SAMD14: variants seen among roughly 807,000 people sequenced by gnomAD.
SAMD14 encodes the protein sterile alpha motif domain-containing protein 14.
SAMD14 carries 27 observed loss-of-function variants against 46.2 expected under a neutral mutation model. That is an observed-to-expected ratio of 0.58 (90% CI 0.43 to 0.81). SAMD14 has a LOEUF of 0.81. SAMD14 is among the 30% of genes least tolerant of loss of function. The pLI is 0.00. For synonymous variants in SAMD14, 241 were observed against 254.3 expected (o/e 0.95, Z 0.50); for missense variants, 559 against 582.2 (o/e 0.96, Z 0.41).
In SAMD14 at chr17:50,115,688, G is replaced by A. The variant is rs1415315366; in HGVS notation, c.698C>T (p.Ser233Phe). 1 of 1,607,132 alleles carries A rather than the reference G, an allele frequency of 6.2e-7. No individual in the cohort carries two copies. Among genetic ancestry groups the A allele is most frequent in the Admixed American group, 1.7e-5 (1 of 59,720 alleles). ...GAACCAGGAAAAAGGCAGGAACGGG[G>A]AGCCCCCTGACCTGCCGGACCCCTC... ...SVEGSGRSGG[S>F]PFLPFSWFTD... The change falls in exon 7 of 10, where the codon TCC becomes TTC. Residue 233 changes from serine to phenylalanine, a missense_variant. Physicochemically the swap from Ser to Phe is radical, Grantham distance 155 (BLOSUM62 -2). Coordinates refer to ENST00000330175, the MANE Select transcript of SAMD14 (RefSeq NM_001257359.2). This position sits in a 1 kb window ranked among gnomAD's most constrained non-coding sequence, Gnocchi z 5.3.
chr17:50,114,135 T>G (rs1296893834), intron 8 of SAMD14, 52 bp downstream of exon 8: 12 of 1,613,708 alleles, frequency 7.4e-6, no homozygotes, highest in African/African-American at 1.3e-5. Context: ...CTGAGCACCT[T>G]GCAGAGTCAG....
At chr17:50,113,175 C>G in intron 9 of SAMD14, 127 bp from the exon 10 acceptor site, 29 of 1,071,704 alleles carry the variant, frequency 2.7e-5, no homozygotes, top group Non-Finnish European at 3.8e-5. Context: ...GTGGAGCCTC[C>G]GCCTCCCACA....
At position 50,111,889 on chromosome 17, in the gene SAMD14, C is replaced by G. The variant is rs1480907164; in HGVS notation, c.*1004G>C. 6.6e-6 allele frequency: 1 copy of G among 152,142 alleles called. No homozygotes were observed. The highest frequency in any genetic ancestry group is 1.9e-4 in the East Asian group (1 of 5,202). 9.4% of individuals were successfully genotyped at this position (152,142 alleles called of 1,614,324 possible). On this transcript the variant is annotated 3_prime_UTR_variant, in exon 10 of 10. Transcript: ENST00000330175. ...CCTGCCAGTTCTGAGCCCACTGATT[C>G]CCTGACAATGCCTGGGGCAGATGGG...
In SAMD14 at chr17:50,110,141, T is replaced by C. The variant is rs367647393; in HGVS notation, c.*2752A>G. On this transcript the variant is annotated 3_prime_UTR_variant, in exon 10 of 10. Transcript: ENST00000330175. ...ACCTGAGAGGACGGACTGCCGCCTC[T>C]GGGTCCCCCCACCGTGGTGCCCCTC... is the stretch of plus-strand genomic sequence containing the variant. 312 of 1,538,662 alleles carry C rather than the reference T, an allele frequency of 2.0e-4. 2 individuals carry two copies. The African/African-American group carries it at 3.6e-3, about 18-fold the overall frequency.
At position 50,130,010 on chromosome 17, in the gene SAMD14, T is replaced by G. The variant is rs1184952084; in HGVS notation, c.-506A>C. The G allele has an allele frequency of 1.8e-5, 2 of 109,148 alleles. No individual in the cohort carries two copies. Among genetic ancestry groups the G allele is most frequent in the Admixed American group, 8.3e-5 (1 of 12,026 alleles). 6.8% of individuals were successfully genotyped at this position (109,148 alleles called of 1,614,324 possible). ...GGTCTCCGGGGAAGGGGCGTCGGGGTGGGGGGCGCGTGGCGGAGAAGCCGG... is the reference window on the plus strand; with the variant it reads ...GGTCTCCGGGGAAGGGGCGTCGGGGGGGGGGGCGCGTGGCGGAGAAGCCGG... On this transcript the variant is annotated 5_prime_UTR_variant, in exon 1 of 10. Transcript: ENST00000330175. The surrounding 1 kb of genome is among the most constrained non-coding windows in gnomAD (Gnocchi z 4.1).
In SAMD14 at chr17:50,115,774, G is replaced by A; in HGVS notation, c.663-51C>T. 10 of 1,613,380 alleles carry A rather than the reference G, an allele frequency of 6.2e-6. No homozygotes were observed. The highest frequency in any genetic ancestry group is 8.5e-6 in the Non-Finnish European group (10 of 1,179,896). On this transcript the variant is annotated intron_variant, in intron 6 of 9. Coordinates refer to ENST00000330175, the MANE Select transcript of SAMD14 (RefSeq NM_001257359.2). This position sits in a 1 kb window ranked among gnomAD's most constrained non-coding sequence, Gnocchi z 5.3. ...TGTGGGTACAGAGGGGAGGACCAGA[G>A]CACATGGGGAGCCAGGGGCGGGAGC... is the stretch of plus-strand genomic sequence containing the variant.
rs149647865 is a variant in SAMD14 at position 50,115,634 on chromosome 17, G to A, written c.752C>T (p.Ser251Leu). Residue 251 changes from serine to leucine, a missense_variant, in exon 7 of 10, where the codon TCG (serine) becomes TTG (leucine). Transcript: ENST00000330175. The surrounding 1 kb of genome is among the most constrained non-coding windows in gnomAD (Gnocchi z 5.3). ...GCAGGTGGGGGAGGTGGTGCTACCCGAGGATGCTGAGCCCTTGCCGCTGTC... is the reference window on the plus strand; with the variant it reads ...GCAGGTGGGGGAGGTGGTGCTACCCAAGGATGCTGAGCCCTTGCCGCTGTC... Reference protein sequence around the residue: ...FTDSGKGSASSGSTTSPTCSP... With the variant: ...FTDSGKGSASLGSTTSPTCSP... 64 of 1,606,264 alleles carry A rather than the reference G, an allele frequency of 4.0e-5. No individual in the cohort carries two copies. The highest frequency in any genetic ancestry group is 5.2e-5 in the Non-Finnish European group (61 of 1,175,174).
At chr17:50,117,097 A>T (rs1911246103) in intron 4 of SAMD14, among the ~76,000 whole-genome samples, 1 of 152,158 alleles carries the variant, frequency 6.6e-6, no homozygotes, top group South Asian at 2.1e-4. Flanking sequence ...GCGATCCTCC[A>T]TCTCGGCCTC....
chr17:50,118,410 A>T, intron 2 of SAMD14, 83 bp from the exon 3 acceptor site: 1 of 1,500,802 alleles, frequency 6.7e-7, no homozygotes. Context: ...GGCCACCTGC[A>T]CCCACACCCC....
In SAMD14 at chr17:50,125,905, G is replaced by GT. The variant is rs1309694380; in HGVS notation, c.-12-935dup. Among the ~76,000 whole-genome samples, 9 of 152,186 alleles carry GT rather than the reference G, an allele frequency of 5.9e-5. No homozygotes were observed. The South Asian group carries it at 1.0e-3, about 18-fold the overall frequency. ...CTGGGAAGAAGTGTGAATGGGTAGG[G>GT]TTTTTTTTGTTTTGGTTCAAGGTTT... On this transcript the variant is annotated intron_variant, in intron 1 of 9. Coordinates refer to ENST00000330175, the MANE Select transcript of SAMD14 (RefSeq NM_001257359.2).
chr17:50,121,114 C>G (rs1009163646), intron 2 of SAMD14, among the ~76,000 whole-genome samples: 3 of 152,168 alleles, frequency 2.0e-5, no homozygotes, highest in Admixed American at 2.0e-4. Context: ...TTGGCCTCCT[C>G]ACACCCATGG....
intron 2 of SAMD14, chr17:50,124,080 T>C (rs1438382957): frequency 2.2e-6 from 1 of 455,998 alleles, no homozygotes; most frequent in African/African-American, 2.0e-5. Context: ...CAGGCCGCTC[T>C]CACCCTCTCC....
At chr17:50,123,986 TC>T (rs1444418945) in intron 2 of SAMD14, 3 of 428,148 alleles carry the variant, frequency 7.0e-6, no homozygotes, top group Non-Finnish European at 1.4e-5. Flanking sequence ...AAGCAGCAGT[TC>T]CTGGCATGAC....
intron 2 of SAMD14, chr17:50,123,635 C>T (rs560530784): frequency 5.8e-6 from 1 of 171,086 alleles, no homozygotes; most frequent in Admixed American, 5.6e-5. Context: ...CCTCCAGCTT[C>T]TATCTCTTCC....
chr17:50,127,275 TG>T (rs1328062446), intron 1 of SAMD14, among the ~76,000 whole-genome samples: 3 of 152,078 alleles, frequency 2.0e-5, no homozygotes, highest in Admixed American at 2.0e-4. Context: ...GGAGGGAAGC[TG>T]CTCCACACTG....
rs1910918142 is a variant in SAMD14 at position 50,112,705 on chromosome 17, C to G, written c.*188G>C. 3.2e-6 allele frequency: 2 copies of G among 623,728 alleles called. No individual in the cohort carries two copies. The highest frequency in any genetic ancestry group is 5.4e-6 in the Non-Finnish European group (2 of 372,340). The allele number at this position is 623,728 out of a possible 1,614,324, so 38.6% of individuals were successfully genotyped here. ...TAGGATTTATTACTAGGCCCTCTCC[C>G]TGGGGTCTCCCTTTCTGGGGTCTCT... On this transcript the variant is annotated 3_prime_UTR_variant, in exon 10 of 10. Coordinates refer to ENST00000330175, the MANE Select transcript of SAMD14 (RefSeq NM_001257359.2).
intron 3 of SAMD14, 191 bp downstream of exon 3, chr17:50,117,970 G>A (rs1911319152): frequency 8.6e-6 from 6 of 700,414 alleles, no homozygotes; most frequent in Non-Finnish European, 1.3e-5. Flanking sequence ...TGTAAAATGG[G>A]GCTAATAATA....
In SAMD14 at chr17:50,116,054, C is replaced by T; in HGVS notation, c.536G>A (p.Ser179Asn). 1 of 1,614,038 alleles carries T rather than the reference C, an allele frequency of 6.2e-7. No homozygotes were observed. The highest frequency in any genetic ancestry group is 8.5e-7 in the Non-Finnish European group (1 of 1,179,934). ...CTTCTTATCGAGGCCGATGGTGGGG[C>T]TGGCGGGCTCAGGAGGACTGGCGTC... ...SRDASPPEPA[S>N]PTIGLDKKTR... The change falls in exon 5 of 10, where the codon AGC (serine) becomes AAC (asparagine). Residue 179 changes from serine (S) to asparagine (N), a missense_variant. By Grantham distance (46) the Ser-to-Asn change is conservative. Coordinates refer to ENST00000330175, the MANE Select transcript of SAMD14 (RefSeq NM_001257359.2).
intron 2 of SAMD14, 42 bp downstream of exon 2, chr17:50,124,875 G>C: frequency 2.5e-6 from 4 of 1,602,710 alleles, no homozygotes; most frequent in Non-Finnish European, 2.6e-6. Context: ...AGTACTCTAT[G>C]GCTGTGTCTA....
Sources: allele counts gnomAD v4.1 joint callset (sites outside exome capture counted in the v4.1 genomes callset), GRCh38; gene constraint gnomAD v4.1.1; non-coding constraint Gnocchi (gnomAD v3.1); transcripts MANE v1.5; gene names NCBI Gene and HGNC (gene_info 2026-07-23, HGNC 2026-07-21).